The following AKAP6 variants were observed in gnomAD, a reference collection of about 807,000 sequenced individuals.
The protein encoded by AKAP6 is A-kinase anchor protein 6.
AKAP6 carries 58 observed loss-of-function variants against 188.5 expected under a neutral mutation model. The ratio of observed to expected loss-of-function variants is 0.31; its 90% CI spans 0.25 to 0.38. The LOEUF (loss-of-function observed/expected upper bound fraction) is 0.38, where lower values mean the gene tolerates loss of function less well. AKAP6 is among the 10% of genes least tolerant of loss of function. The probability of loss-of-function intolerance (pLI) is 1.00; values close to 1 mark genes in which losing one functional copy is unlikely to be tolerated. For missense variants in AKAP6, 2,710 were observed against 2,740.0 expected (o/e 0.99, Z 0.24); for synonymous variants, 989 against 998.6 (o/e 0.99, Z 0.18).
chr14:32,348,091 C>A (rs928644954), intron 1 of AKAP6, among the ~76,000 whole-genome samples: 2 of 152,162 alleles, frequency 1.3e-5, no homozygotes, highest in African/African-American at 4.8e-5. Context: ...AAGTGCTGGG[C>A]AGGTCAAGAA....
At chr14:32,731,289 C>G (rs1269372001) in intron 9 of AKAP6, among the ~76,000 whole-genome samples, 1 of 152,124 alleles carries the variant, frequency 6.6e-6, no homozygotes, top group Non-Finnish European at 1.5e-5. Flanking sequence ...TTCATACCTT[C>G]TTTTCCTTTA....
At chr14:32,420,341 C>T (rs1441319218) in intron 1 of AKAP6, among the ~76,000 whole-genome samples, 1 of 152,068 alleles carries the variant, frequency 6.6e-6, no homozygotes, top group African/African-American at 2.4e-5. Flanking sequence ...TACCCTGTCT[C>T]TCTCTTTCTC....
At position 32,823,696 on chromosome 14, in the gene AKAP6, A is replaced by G; in HGVS notation, c.5883A>G (p.Pro1961=). The change falls in exon 13 of 14, where the codon CCA becomes CCG. Residue 1961 remains proline (P), a synonymous_variant. Transcript: ENST00000280979. Reference sequence around the variant, plus strand: ...TTTCCCAAGATGTTAGACATCTTCCAAAGAAATGTCCAAATCACCACCATT... The same window carrying G: ...TTTCCCAAGATGTTAGACATCTTCCGAAGAAATGTCCAAATCACCACCATT... The part of the protein sequence containing the change: ...EFVSQDVRHL[P]KKCPNHHHFE... 1 of 1,613,848 alleles carries G rather than the reference A, an allele frequency of 6.2e-7. No individual in the cohort carries two copies. The highest frequency in any genetic ancestry group is 1.3e-5 in the African/African-American group (1 of 75,028).
chr14:32,678,564 A>G lies in AKAP6; in HGVS notation c.2879+105A>G, dbSNP rs1294166462. On this transcript the variant is annotated intron_variant, in intron 8 of 13. Transcript: ENST00000280979. ...GTATTTCCTCTTTAGCAAACCGACA[A>G]GGAGAAGCTCAGTAGACTAGGCATT... 3 of 1,330,270 alleles carry G rather than the reference A, an allele frequency of 2.3e-6. No homozygotes were observed. The African/African-American group carries it at 4.4e-5, about 19-fold the overall frequency. The allele number at this position is 1,330,270 out of a possible 1,614,324, so 82.4% of individuals were successfully genotyped here. A position where few individuals can be genotyped will look rare whatever the true frequency, so the allele number is the denominator to read the frequency against.
chr14:32,774,004 TA>T (rs1263705614), intron 12 of AKAP6, 111 bp downstream of exon 12: 8 of 1,206,392 alleles, frequency 6.6e-6, no homozygotes, highest in Admixed American at 2.0e-5. Flanking sequence ...CTAACTAACT[TA>T]AAGTGGTTTT....
intron 7 of AKAP6, among the ~76,000 whole-genome samples, chr14:32,632,910 A>G (rs1375252166): frequency 6.6e-6 from 1 of 152,128 alleles, no homozygotes; most frequent in African/African-American, 2.4e-5. Flanking sequence ...TTGATTCTTA[A>G]CTATCACTCA....
intron 7 of AKAP6, among the ~76,000 whole-genome samples, chr14:32,634,622 G>T (rs1887410867): frequency 6.6e-6 from 1 of 151,996 alleles, no homozygotes; most frequent in African/African-American, 2.4e-5. Context: ...CCCTGTTGAG[G>T]TTATTCATTT....
intron 1 of AKAP6, among the ~76,000 whole-genome samples, chr14:32,373,830 C>T (rs1424362697): frequency 1.3e-5 from 2 of 152,040 alleles, no homozygotes. Flanking sequence ...AGAAATAGAC[C>T]AAGCATTAGC....
chr14:32,802,469 T>C (rs2033976796), intron 12 of AKAP6, among the ~76,000 whole-genome samples: 1 of 152,176 alleles, frequency 6.6e-6, no homozygotes, highest in African/African-American at 2.4e-5. Context: ...GTGAAAGAAA[T>C]GCAAAGTGGC....
chr14:32,518,221 C>A (rs1042380154), intron 2 of AKAP6, among the ~76,000 whole-genome samples: 12 of 152,236 alleles, frequency 7.9e-5, no homozygotes, highest in Admixed American at 7.2e-4. Flanking sequence ...CAAAGGTAGA[C>A]AAAACCACAA....
intron 5 of AKAP6, among the ~76,000 whole-genome samples, chr14:32,593,464 A>C (rs1215666136): frequency 6.6e-6 from 1 of 152,172 alleles, no homozygotes; most frequent in African/African-American, 2.4e-5. Flanking sequence ...CAGACTCAGG[A>C]TGAGACATTA....
intron 2 of AKAP6, among the ~76,000 whole-genome samples, chr14:32,509,120 CTTTTTTTTTTT>C: frequency 1.1e-5 from 1 of 94,772 alleles, no homozygotes. Flanking sequence ...TGCCCTGCCT[CTTTTTTTTTTT>C]TTTTTTTTTT....
At chr14:32,508,397 C>T (rs1880983315) in intron 2 of AKAP6, among the ~76,000 whole-genome samples, 1 of 152,156 alleles carries the variant, frequency 6.6e-6, no homozygotes, top group African/African-American at 2.4e-5. Context: ...GACACTAGAA[C>T]CATTGTTTAT....
intron 7 of AKAP6, among the ~76,000 whole-genome samples, chr14:32,633,421 C>G (rs191675948): frequency 4.2e-4 from 64 of 152,160 alleles, no homozygotes; most frequent in African/African-American, 1.5e-3. Flanking sequence ...TCCCATGATT[C>G]ACTCCCCTTT....
intron 1 of AKAP6, among the ~76,000 whole-genome samples, chr14:32,333,470 GA>G (rs1886596453): frequency 2.6e-5 from 4 of 152,096 alleles, no homozygotes; most frequent in Admixed American, 2.6e-4. Flanking sequence ...GAGGGGAAGG[GA>G]AAAATGGGTA....
intron 1 of AKAP6, among the ~76,000 whole-genome samples, chr14:32,384,694 G>A (rs1320459265): frequency 6.6e-6 from 1 of 152,088 alleles, no homozygotes; most frequent in Non-Finnish European, 1.5e-5. Context: ...TGCTTTGTGG[G>A]GGTTCAGCTC....
intron 2 of AKAP6, among the ~76,000 whole-genome samples, chr14:32,451,595 C>G (rs913294478): frequency 5.3e-5 from 8 of 152,120 alleles, no homozygotes; most frequent in African/African-American, 1.9e-4. Context: ...ATTTCTGTAT[C>G]TTCTAGTTGT....
chr14:32,559,147 G>T (rs548139537), intron 4 of AKAP6, among the ~76,000 whole-genome samples: 1 of 152,202 alleles, frequency 6.6e-6, no homozygotes, highest in Non-Finnish European at 1.5e-5. Context: ...GAATGAGTAA[G>T]TGAACGTATC....
intron 4 of AKAP6, among the ~76,000 whole-genome samples, chr14:32,550,699 G>A (rs1883419605): frequency 6.6e-6 from 1 of 152,162 alleles, no homozygotes; most frequent in Non-Finnish European, 1.5e-5. Context: ...TATAATGACA[G>A]AGGATATTAC....
Sources: allele counts gnomAD v4.1 joint callset (sites outside exome capture counted in the v4.1 genomes callset), GRCh38; gene constraint gnomAD v4.1.1; transcripts MANE v1.5; gene names NCBI Gene and HGNC (gene_info 2026-07-23, HGNC 2026-07-21).